Variants in ZNF711 observed in about 807,000 individuals in gnomAD.
The protein encoded by ZNF711 is ZFX family zinc finger ZNF711.
Under a neutral mutation model 43.5 loss-of-function variants are expected in ZNF711, and 3 were observed. The observed-to-expected ratio is 0.07, with a 90% confidence interval of 0.03 to 0.18. The LOEUF is 0.18. Ranked by LOEUF, ZNF711 falls within the 10% of genes least tolerant of loss-of-function variation. The pLI, the probability that ZNF711 is intolerant of heterozygous loss-of-function variation, is 1.00. For synonymous variants in ZNF711, 209 were observed against 207.7 expected, an observed-to-expected ratio of 1.01 and a Z score of -0.06; for missense variants, 412 against 604.0, an observed-to-expected ratio of 0.68 and a Z score of 3.33.
At chrX:85,255,194 TTAAA>T in intron 4 of ZNF711, 61 bp from the exon 5 acceptor site, 1 of 994,977 alleles carries the variant, frequency 1.0e-6, no homozygotes, top group Non-Finnish European at 1.4e-6. Context: ...ATTTGATTTA[TTAAA>T]TACAGTACTC....
chrX:85,250,558 T>C (rs1022132085), intron 4 of ZNF711, among the ~76,000 whole-genome samples: 8 of 111,907 alleles, frequency 7.1e-5, no homozygotes, highest in African/African-American at 2.6e-4. Flanking sequence ...ATGATTTAAC[T>C]GGTAGTATTT....
chrX:85,253,453 T>G (rs140619391), intron 4 of ZNF711, among the ~76,000 whole-genome samples: 5 of 111,310 alleles, frequency 4.5e-5, no homozygotes, highest in Non-Finnish European at 9.4e-5. Flanking sequence ...GAAACAATTA[T>G]AGACTCACAA....
chrX:85,250,011 A>G (rs1929409687), intron 4 of ZNF711, among the ~76,000 whole-genome samples: 1 of 112,397 alleles, frequency 8.9e-6, no homozygotes, highest in Non-Finnish European at 1.9e-5. Flanking sequence ...TCCATGTTAT[A>G]GCATGTATCA....
At chrX:85,267,470 C>T in intron 8 of ZNF711, 55 bp downstream of exon 8, 1 of 961,741 alleles carries the variant, frequency 1.0e-6, no homozygotes, top group Non-Finnish European at 1.3e-6. Context: ...TTTACTCAGC[C>T]TTTAGGCCAT....
chrX:85,273,249 G>A lies in ZNF711; in HGVS notation c.*1421G>A, dbSNP rs963591583. The A allele has an allele frequency of 9.0e-6, 1 of 111,712 alleles. No homozygotes were observed. Among genetic ancestry groups the A allele is most frequent in the Non-Finnish European group, 1.9e-5 (1 of 52,964 alleles). 9.2% of individuals were successfully genotyped at this position (111,712 alleles called of 1,213,427 possible). ...ATCTACTAAAATTGTGTGTTATGTG[G>A]CTGTAAATGATGTACACGCTGTAAA... On this transcript the variant is annotated 3_prime_UTR_variant, in exon 11 of 11. Coordinates refer to ENST00000674551, the MANE Select transcript of ZNF711 (RefSeq NM_001330574.2).
intron 8 of ZNF711, among the ~76,000 whole-genome samples, chrX:85,267,785 T>G (rs1457898012): frequency 1.8e-5 from 2 of 111,683 alleles, no homozygotes; most frequent in Non-Finnish European, 3.8e-5. Context: ...TTTTGGGGTT[T>G]TGAAAAAGAA....
At chrX:85,254,233 C>A (rs1335100181) in intron 4 of ZNF711, among the ~76,000 whole-genome samples, 3 of 110,338 alleles carry the variant, frequency 2.7e-5, no homozygotes, top group African/African-American at 1.0e-4. Context: ...AAGAAATCGC[C>A]AAACTACGGG....
At chrX:85,255,843 T>G (rs1930085366) in intron 5 of ZNF711, 42 bp downstream of exon 5, 1 of 1,174,830 alleles carries the variant, frequency 8.5e-7, no homozygotes, top group Middle Eastern at 2.4e-4. Context: ...GGAGATTGAT[T>G]TATATAATCT....
At chrX:85,247,698 G>A (rs754896979) in intron 4 of ZNF711, 47 bp downstream of exon 4, 4 of 1,044,042 alleles carry the variant, frequency 3.8e-6, no homozygotes, top group Non-Finnish European at 5.4e-6. Flanking sequence ...AGAAGTAAGG[G>A]GATAATAAAA....
chrX:85,267,171 A>T, intron 7 of ZNF711, 107 bp from the exon 8 acceptor site: 1 of 691,001 alleles, frequency 1.4e-6, no homozygotes. Flanking sequence ...AAATTTTTAA[A>T]TTAACCAAAC....
intron 1 of ZNF711, 116 bp downstream of exon 1, chrX:85,244,307 T>TG (rs1928800060): frequency 8.6e-6 from 1 of 115,983 alleles, no homozygotes; most frequent in Non-Finnish European, 1.8e-5. Context: ...AAGGGAACAA[T>TG]GGAAGTGGCG....
chrX:85,266,121 C>T (rs1931075862), intron 7 of ZNF711, among the ~76,000 whole-genome samples: 1 of 110,955 alleles, frequency 9.0e-6, no homozygotes, highest in African/African-American at 3.3e-5. Context: ...ATTGCCTTGC[C>T]CTAGAAGGCT....
chrX:85,268,742 A>G (rs749730002), intron 9 of ZNF711, among the ~76,000 whole-genome samples: 1 of 111,701 alleles, frequency 9.0e-6, no homozygotes, highest in East Asian at 2.8e-4. Flanking sequence ...GCATTTATAT[A>G]TAACTGTTAT....
At chrX:85,251,121 A>C (rs1241008933) in intron 4 of ZNF711, among the ~76,000 whole-genome samples, 1 of 111,599 alleles carries the variant, frequency 9.0e-6, no homozygotes, top group Non-Finnish European at 1.9e-5. Flanking sequence ...CAGCCCCATA[A>C]ATTATTGACA....
At chrX:85,259,762 ATTGT>A (rs752820863) in intron 5 of ZNF711, among the ~76,000 whole-genome samples, 1 of 111,223 alleles carries the variant, frequency 9.0e-6, no homozygotes. Flanking sequence ...CCTTAATAAA[ATTGT>A]TTATCAGTTC....
At chrX:85,256,121 T>C (rs1340718661) in intron 5 of ZNF711, among the ~76,000 whole-genome samples, 2 of 111,440 alleles carry the variant, frequency 1.8e-5, no homozygotes, top group African/African-American at 6.5e-5. Flanking sequence ...ATGGGAACTT[T>C]CTTATGTAGC....
chrX:85,253,764 GACACACACACACACACACACAC>G (rs756155292), intron 4 of ZNF711, among the ~76,000 whole-genome samples: 1 of 90,528 alleles, frequency 1.1e-5, no homozygotes, highest in Non-Finnish European at 2.3e-5. Flanking sequence ...TGTGTTCACA[GACACACACACACACACACACAC>G]ACACACACAC....
intron 4 of ZNF711, among the ~76,000 whole-genome samples, chrX:85,251,716 C>T (rs1380869951): frequency 9.0e-6 from 1 of 110,842 alleles, no homozygotes; most frequent in Non-Finnish European, 1.9e-5. Context: ...AAATGAGCTA[C>T]CACGTGATAG....
At chrX:85,265,830 G>T (rs1056995118) in intron 7 of ZNF711, among the ~76,000 whole-genome samples, 2 of 110,909 alleles carry the variant, frequency 1.8e-5, no homozygotes, top group African/African-American at 6.6e-5. Context: ...TTGTTCTCCT[G>T]TCACTAAAGG....
Sources: gnomAD v4.1 joint callset for allele counts (sites outside exome capture counted in the v4.1 genomes callset) on GRCh38, gnomAD v4.1.1 for gene constraint, MANE v1.5 for transcripts, NCBI Gene and HGNC (gene_info 2026-07-23, HGNC 2026-07-21) for gene names.